CDH1: variants seen among roughly 807,000 people sequenced by gnomAD.
The protein encoded by CDH1 is cadherin-1.
A neutral mutation model predicts 84.5 loss-of-function variants in CDH1; 35 were observed. That is an observed-to-expected ratio of 0.41 (90% CI 0.32 to 0.55). The LOEUF (loss-of-function observed/expected upper bound fraction) is 0.55, where lower values mean the gene tolerates loss of function less well. Among genes scored for constraint, CDH1 ranks in the 20% least tolerant of loss-of-function variants. The probability of loss-of-function intolerance (pLI) is 0.19; values close to 1 mark genes in which losing one functional copy is unlikely to be tolerated. For synonymous variants in CDH1, 417 were observed against 439.0 expected (o/e 0.95, Z 0.63); for missense variants, 994 against 1,126.6 (o/e 0.88, Z 1.68).
At chr16:68,770,180 C>T (rs772282876) in intron 2 of CDH1, among the ~76,000 whole-genome samples, 3 of 152,082 alleles carry the variant, frequency 2.0e-5, no homozygotes, top group Non-Finnish European at 4.4e-5. Flanking sequence ...CCTGGCCTAG[C>T]CCTCTCTGCC....
intron 2 of CDH1, among the ~76,000 whole-genome samples, chr16:68,778,082 C>G (rs1959783797): frequency 1.3e-5 from 2 of 151,996 alleles, no homozygotes; most frequent in South Asian, 4.2e-4. Context: ...GAATCTCGCT[C>G]TGTTGCCCAG....
chr16:68,777,634 C>T (rs1244570545), intron 2 of CDH1, among the ~76,000 whole-genome samples: 3 of 149,842 alleles, frequency 2.0e-5, no homozygotes, highest in Non-Finnish European at 4.4e-5. Context: ...GCCTCGACCT[C>T]CCAGGCTCAA....
chr16:68,825,657 T>A (rs1279844409), intron 13 of CDH1, among the ~76,000 whole-genome samples: 1 of 152,148 alleles, frequency 6.6e-6, no homozygotes, highest in Non-Finnish European at 1.5e-5. Flanking sequence ...GGCTTTATTG[T>A]GCCATGAGAT....
Position 68,822,320 on chromosome 16 carries a change from A to G in CDH1, c.1936+95A>G, listed in dbSNP as rs920181077. ...CTTTCAATTTCCCTTCTCAACTTCT[A>G]GATGTCACCCCTTCCATTGATACTT... On this transcript the variant is annotated intron_variant, in intron 12 of 15. Transcript: ENST00000261769. 13 of 831,784 alleles carry G rather than the reference A, an allele frequency of 1.6e-5. No homozygotes were observed. In the Admixed American group the frequency reaches 2.5e-4, roughly 16 times the overall value. The allele number at this position is 831,784 out of a possible 1,614,324, so 51.5% of individuals were successfully genotyped here.
At chr16:68,765,261 C>T (rs1363763664) in intron 2 of CDH1, 1 of 152,178 alleles carries the variant, frequency 6.6e-6, no homozygotes, top group Non-Finnish European at 1.5e-5. Flanking sequence ...GATCTCGGCT[C>T]ACTGCAACCT....
At chr16:68,782,151 C>A (rs751805355) in intron 2 of CDH1, among the ~76,000 whole-genome samples, 1 of 152,196 alleles carries the variant, frequency 6.6e-6, no homozygotes, top group Non-Finnish European at 1.5e-5. Flanking sequence ...AGGCACCCCC[C>A]ACAGGCAAGG....
intron 7 of CDH1, 63 bp from the exon 8 acceptor site, chr16:68,812,072 T>C: frequency 1.9e-6 from 3 of 1,612,370 alleles, no homozygotes; most frequent in Non-Finnish European, 2.5e-6. Flanking sequence ...TGTGTTGGGC[T>C]GGGCTAGGCC....
rs139879516 is a variant in CDH1, at chr16:68,806,001, G to A, written c.388-2423G>A. ...CTCGCTCTGTTTCCCAGGTTGGAGT[G>A]CAGTGACACAATCTCGGCTCACTAC... On this transcript the variant is annotated intron_variant, in intron 3 of 15. Coordinates refer to ENST00000261769, the MANE Select transcript of CDH1 (RefSeq NM_004360.5). Among the ~76,000 whole-genome samples, 1,343 of 152,216 alleles carry A rather than the reference G, an allele frequency of 8.8e-3. 18 individuals carry two copies. The highest frequency in any genetic ancestry group is 0.031 in the African/African-American group (1,280 of 41,534).
Position 68,834,464 on chromosome 16 carries a change from G to C in CDH1, c.*965G>C. On this transcript the variant is annotated 3_prime_UTR_variant, in exon 16 of 16. Transcript: ENST00000261769. ...ACTCCTGGCCTCAAGCAATCCTTCT[G>C]CCTTGGCCCCCCAAAGTGCTGGGAT... The C allele has an allele frequency of 3.2e-6, 1 of 316,478 alleles. No individual in the cohort carries two copies. 19.6% of individuals were successfully genotyped at this position (316,478 alleles called of 1,614,324 possible). A position where few individuals can be genotyped will look rare whatever the true frequency, so the allele number is the denominator to read the frequency against.
In CDH1 at chr16:68,737,341, G is replaced by T; in HGVS notation, c.-75G>T. 7.7e-7 allele frequency: 1 copy of T among 1,301,620 alleles called. No homozygotes were observed. The highest frequency in any genetic ancestry group is 1.3e-5 in the South Asian group (1 of 75,018). The allele number at this position is 1,301,620 out of a possible 1,614,324, so 80.6% of individuals were successfully genotyped here. The stretch of plus-strand genomic sequence containing the variant: ...CTGTGAGCTTGCGGAAGTCAGTTCA[G>T]ACTCCAGCCCGCTCCAGCCCGGCCC... On this transcript the variant is annotated 5_prime_UTR_variant, in exon 1 of 16. Transcript: ENST00000261769.
At chr16:68,815,095 C>T (rs529084800) in intron 9 of CDH1, among the ~76,000 whole-genome samples, 2 of 151,684 alleles carry the variant, frequency 1.3e-5, no homozygotes, top group Non-Finnish European at 2.9e-5. Flanking sequence ...GGTGTGGTGG[C>T]GGGCTCCTGT....
At chr16:68,826,696 C>G (rs76646398) in intron 13 of CDH1, 2,698 of 152,240 alleles carry the variant, frequency 0.018, 30 homozygotes, top group Non-Finnish European at 0.026. Context: ...TTTCTCAGAG[C>G]CTGCGGATAC....
At chr16:68,766,739 T>C (rs945813102) in intron 2 of CDH1, among the ~76,000 whole-genome samples, 5 of 20,532 alleles carry the variant, frequency 2.4e-4, no homozygotes, top group Non-Finnish European at 1.7e-4. Context: ...TAGAACCCCC[T>C]TTTTTTTTGA....
intron 10 of CDH1, among the ~76,000 whole-genome samples, chr16:68,817,052 T>G (rs1961006624): frequency 6.6e-6 from 1 of 152,254 alleles, no homozygotes; most frequent in Admixed American, 6.5e-5. Context: ...CCCTTACGCC[T>G]GGAACAATGA....
intron 2 of CDH1, among the ~76,000 whole-genome samples, chr16:68,795,892 G>A (rs1292016499): frequency 2.0e-5 from 3 of 152,038 alleles, no homozygotes; most frequent in South Asian, 2.1e-4. Context: ...GGCCGGGTGC[G>A]GTGGCTTATG....
intron 2 of CDH1, among the ~76,000 whole-genome samples, chr16:68,800,850 T>C (rs957171529): frequency 2.0e-5 from 3 of 152,232 alleles, no homozygotes; most frequent in African/African-American, 7.2e-5. Context: ...TATTTTAATT[T>C]CTTTTTACCT....
intron 3 of CDH1, 48 bp from the exon 4 acceptor site, chr16:68,808,376 A>T (rs766910353): frequency 6.2e-7 from 1 of 1,609,020 alleles, no homozygotes; most frequent in Non-Finnish European, 8.5e-7. Flanking sequence ...GACCTGAAGT[A>T]TCCGTCTTGA....
intron 2 of CDH1, among the ~76,000 whole-genome samples, chr16:68,772,780 C>G (rs1157689362): frequency 6.6e-6 from 1 of 151,610 alleles, no homozygotes; most frequent in African/African-American, 2.4e-5. Flanking sequence ...ACAAAAAATA[C>G]AAAAAGTACA....
chr16:68,780,975 C>T (rs960241679), intron 2 of CDH1, among the ~76,000 whole-genome samples: 4 of 152,102 alleles, frequency 2.6e-5, no homozygotes, highest in Admixed American at 6.5e-5. Context: ...GAGAAGACGC[C>T]GTAGCAACCT....
Sources: allele counts gnomAD v4.1 joint callset (sites outside exome capture counted in the v4.1 genomes callset), GRCh38; gene constraint gnomAD v4.1.1; transcripts MANE v1.5; gene names NCBI Gene and HGNC (gene_info 2026-07-23, HGNC 2026-07-21).